Variants in FSTL4 observed in about 807,000 individuals in gnomAD.
The protein encoded by FSTL4 is follistatin like 4.
FSTL4 carries 28 observed loss-of-function variants against 78.2 expected under a neutral mutation model. The ratio of observed to expected loss-of-function variants is 0.36; its 90% CI spans 0.27 to 0.49. FSTL4 has a LOEUF of 0.49. Among genes scored for constraint, FSTL4 ranks in the 20% least tolerant of loss-of-function variants. FSTL4 has a pLI of 0.98. For missense variants in FSTL4, 922 were observed against 1,084.9 expected, an observed-to-expected ratio of 0.85 and a Z score of 2.11; for synonymous variants, 422 against 440.5, an observed-to-expected ratio of 0.96 and a Z score of 0.53.
At chr5:133,324,023 T>C (rs1433416363) in intron 4 of FSTL4, among the ~76,000 whole-genome samples, 4 of 152,222 alleles carry the variant, frequency 2.6e-5, no homozygotes, top group Non-Finnish European at 5.9e-5. Context: ...CACATCCACA[T>C]TTAATTTTTG....
chr5:133,460,375 T>C (rs898432420), intron 3 of FSTL4, among the ~76,000 whole-genome samples: 1 of 152,154 alleles, frequency 6.6e-6, no homozygotes, highest in African/African-American at 2.4e-5. Flanking sequence ...CTGTCCGCCA[T>C]CTGATTTTGG....
At chr5:133,800,745 C>T in the FSTL4 span, among the ~76,000 whole-genome samples, 1 of 89,400 alleles carries the variant, frequency 1.1e-5, no homozygotes, top group African/African-American at 3.9e-5. Flanking sequence ...CTTCACCTCC[C>T]CAGACATTTT....
chr5:133,319,679 C>T (rs1485013786), intron 4 of FSTL4, among the ~76,000 whole-genome samples: 1 of 152,194 alleles, frequency 6.6e-6, no homozygotes, highest in Non-Finnish European at 1.5e-5. Flanking sequence ...TGGCACCGTA[C>T]ATCATGCTGT....
At chr5:133,565,408 G>T (rs778197423) in intron 3 of FSTL4, among the ~76,000 whole-genome samples, 32 of 152,168 alleles carry the variant, frequency 2.1e-4, no homozygotes, top group Non-Finnish European at 4.3e-4. Flanking sequence ...TTCCTGCCAG[G>T]TTGTAAGCAT....
the FSTL4 span, among the ~76,000 whole-genome samples, chr5:133,737,953 C>T: frequency 6.6e-6 from 1 of 152,106 alleles, no homozygotes; most frequent in Non-Finnish European, 1.5e-5. Context: ...GGGGATTTTA[C>T]TGTGTGCAGG....
intron 13 of FSTL4, 66 bp from the exon 14 acceptor site, chr5:133,210,364 T>A: frequency 1.1e-6 from 1 of 944,266 alleles, no homozygotes; most frequent in South Asian, 1.3e-5. Context: ...GTTGTATGCA[T>A]GGGCATCACT....
At chr5:133,413,799 G>A (rs1027598617) in intron 3 of FSTL4, among the ~76,000 whole-genome samples, 2 of 151,870 alleles carry the variant, frequency 1.3e-5, no homozygotes, top group Non-Finnish European at 2.9e-5. Context: ...TAACTCTTCA[G>A]CTATTTCTAA....
chr5:133,395,499 G>A (rs767182610), intron 4 of FSTL4, among the ~76,000 whole-genome samples: 2 of 152,166 alleles, frequency 1.3e-5, no homozygotes, highest in East Asian at 1.9e-4. Flanking sequence ...CTCACCGCGC[G>A]GGTCCGCGGC....
the FSTL4 span, among the ~76,000 whole-genome samples, chr5:133,820,026 C>T: frequency 6.6e-6 from 1 of 152,204 alleles, no homozygotes; most frequent in Non-Finnish European, 1.5e-5. Flanking sequence ...AGAAGGAAGA[C>T]TCAAACTTGG....
chr5:133,832,671 G>T, the FSTL4 span, among the ~76,000 whole-genome samples: 3 of 152,186 alleles, frequency 2.0e-5, no homozygotes, highest in African/African-American at 7.2e-5. Context: ...TTGCAGTTAG[G>T]CAAGACCATT....
chr5:133,403,295 G>A (rs1226944894), intron 3 of FSTL4, among the ~76,000 whole-genome samples: 7 of 152,146 alleles, frequency 4.6e-5, no homozygotes, highest in African/African-American at 7.2e-5. Flanking sequence ...GCTTCAGAGC[G>A]TGTGCCCTGG....
intron 3 of FSTL4, among the ~76,000 whole-genome samples, chr5:133,464,630 G>A (rs1757665030): frequency 6.6e-6 from 1 of 152,204 alleles, no homozygotes; most frequent in Non-Finnish European, 1.5e-5. Context: ...CCATGGAGGG[G>A]AGAGGTGCAG....
the FSTL4 span, among the ~76,000 whole-genome samples, chr5:133,694,922 A>C: frequency 6.6e-6 from 1 of 152,132 alleles, no homozygotes; most frequent in Non-Finnish European, 1.5e-5. Flanking sequence ...CTGCCTCCCG[A>C]AGTCCCCACT....
chr5:133,831,908 A>G, the FSTL4 span, among the ~76,000 whole-genome samples: 3 of 152,232 alleles, frequency 2.0e-5, no homozygotes, highest in Non-Finnish European at 4.4e-5. Flanking sequence ...AGGGTCAGAA[A>G]GTGGCCTAGG....
the FSTL4 span, among the ~76,000 whole-genome samples, chr5:133,756,374 C>T: frequency 6.6e-6 from 1 of 151,776 alleles, no homozygotes; most frequent in Admixed American, 6.6e-5. Flanking sequence ...GTGGCTTTTA[C>T]TCTGTGTGGC....
chr5:133,228,499 C>T (rs1335797944), intron 8 of FSTL4, among the ~76,000 whole-genome samples: 5 of 152,100 alleles, frequency 3.3e-5, no homozygotes, highest in African/African-American at 9.7e-5. Context: ...TCACTTAGGA[C>T]GTGATACACC....
intron 3 of FSTL4, among the ~76,000 whole-genome samples, chr5:133,488,871 A>C (rs1758198520): frequency 1.3e-5 from 2 of 152,054 alleles, no homozygotes; most frequent in Non-Finnish European, 2.9e-5. Flanking sequence ...CTAGATAACT[A>C]ATCCTACTCT....
chr5:133,509,433 G>A (rs989144958), intron 3 of FSTL4, among the ~76,000 whole-genome samples: 2 of 152,052 alleles, frequency 1.3e-5, no homozygotes, highest in Admixed American at 1.3e-4. Flanking sequence ...AGGAGCCTTT[G>A]TGGTCCAGGG....
the FSTL4 span, among the ~76,000 whole-genome samples, chr5:133,827,046 A>C: frequency 6.6e-6 from 1 of 152,218 alleles, no homozygotes; most frequent in Non-Finnish European, 1.5e-5. Flanking sequence ...GGGAGCAGGA[A>C]CTTTGTGGGT....
Sources: gnomAD v4.1 joint callset for allele counts (sites outside exome capture counted in the v4.1 genomes callset) on GRCh38, gnomAD v4.1.1 for gene constraint, MANE v1.5 for transcripts, NCBI Gene and HGNC (gene_info 2026-07-23, HGNC 2026-07-21) for gene names.